PROCR: variants seen among roughly 807,000 people sequenced by gnomAD.
PROCR encodes endothelial protein C receptor.
In PROCR, 22 loss-of-function variants were observed where a neutral mutation model predicts 24.2. The ratio of observed to expected loss-of-function variants is 0.91; its 90% CI spans 0.65 to 1.30. The LOEUF is 1.30. Among genes scored for constraint, PROCR ranks in the 50% most tolerant of loss-of-function variants. The pLI is 0.00. For missense variants in PROCR, 288 were observed against 307.7 expected (o/e 0.94, Z 0.48); for synonymous variants, 137 against 139.2 (o/e 0.98, Z 0.11).
chr20:35,178,723 G>A (rs2086050524), downstream of PROCR, among the ~76,000 whole-genome samples: 1 of 141,084 alleles, frequency 7.1e-6, no homozygotes, highest in African/African-American at 2.6e-5. Context: ...CACCATTTTA[G>A]CCGGGATGGT....
At chr20:35,178,507 G>GTTTTGTTT (rs1272557859), downstream of PROCR, among the ~76,000 whole-genome samples, 2,402 of 34,336 alleles carry the variant, frequency 0.07, 778 homozygotes, top group African/African-American at 0.15. Context: ...TCAAGTCTCA[G>GTTTTGTTT]TTTTTTTTTT....
downstream of PROCR, among the ~76,000 whole-genome samples, chr20:35,178,507 G>GTTTTTTTTTTTTTTTTT (rs1203789471): frequency 1.2e-4 from 4 of 34,370 alleles, 1 homozygote; most frequent in African/African-American, 5.5e-4. Flanking sequence ...TCAAGTCTCA[G>GTTTTTTTTTTTTTTTTT]TTTTTTTTTT....
rs1284592742 is a variant in PROCR at position 35,175,577 on chromosome 20, C to CTTTTTT, written c.323-591_323-590insTTTTTT. The stretch of plus-strand genomic sequence containing the variant: ...CTCTCCTAGTCCCCCACCCCACCCC[C>CTTTTTT]CTTTTTTTTTTTTTTTTTTTTTTTT... On this transcript the variant is annotated intron_variant, in intron 2 of 3. Coordinates refer to ENST00000216968, the MANE Select transcript of PROCR (RefSeq NM_006404.5). 1.6e-3 allele frequency among the ~76,000 whole-genome samples: 81 copies of CTTTTTT among 51,256 alleles called. 2 individuals are homozygous for CTTTTTT. Among genetic ancestry groups the CTTTTTT allele is most frequent in the African/African-American group, 4.5e-3 (35 of 7,766 alleles). 33.6% of individuals were successfully genotyped at this position (51,256 alleles called of 152,430 possible).
At chr20:35,198,595 G>A (rs186389425) in intron 1 of PROCR, among the ~76,000 whole-genome samples, 3 of 152,300 alleles carry the variant, frequency 2.0e-5, no homozygotes, top group Admixed American at 6.5e-5. Flanking sequence ...GTGCTGATGC[G>A]GAAGCTGCAT....
intron 1 of PROCR, among the ~76,000 whole-genome samples, chr20:35,209,915 C>T (rs1314314778): frequency 2.0e-5 from 3 of 152,148 alleles, no homozygotes; most frequent in Non-Finnish European, 4.4e-5. Context: ...TGCTCACATA[C>T]CACTTAAAAT....
At chr20:35,197,729 G>A (rs550356549) in intron 1 of PROCR, among the ~76,000 whole-genome samples, 2 of 151,774 alleles carry the variant, frequency 1.3e-5, no homozygotes, top group South Asian at 4.2e-4. Flanking sequence ...GGCTGAGGCA[G>A]GAGAATTGCT....
intron 1 of PROCR, among the ~76,000 whole-genome samples, chr20:35,184,001 G>A (rs1050369661): frequency 2.6e-5 from 4 of 152,158 alleles, no homozygotes; most frequent in African/African-American, 7.2e-5. Context: ...ACAAATTCAC[G>A]CAGTCCCCAT....
Position 35,176,840 on chromosome 20 carries a change from C to A in PROCR, c.*27C>A, listed in dbSNP as rs751865833. The A allele has an allele frequency of 6.2e-7, 1 of 1,609,942 alleles. No homozygotes were observed. The highest frequency in any genetic ancestry group is 8.5e-7 in the Non-Finnish European group (1 of 1,178,072). Reference sequence around the variant, plus strand: ...TACTCTCCAGCCCCCTCAGAAGGGGCTGGATTGATGGAGGCTGGCAAGGGA... The same window carrying A: ...TACTCTCCAGCCCCCTCAGAAGGGGATGGATTGATGGAGGCTGGCAAGGGA... On this transcript the variant is annotated 3_prime_UTR_variant, in exon 4 of 4. Transcript: ENST00000216968.
intron 1 of PROCR, among the ~76,000 whole-genome samples, chr20:35,208,299 C>A (rs1277245052): frequency 6.6e-6 from 1 of 152,220 alleles, no homozygotes; most frequent in Admixed American, 6.5e-5. Context: ...CTCTCTACTG[C>A]AATCTGTTCC....
chr20:35,196,876 A>G (rs1012989964), intron 1 of PROCR, among the ~76,000 whole-genome samples: 27 of 152,240 alleles, frequency 1.8e-4, no homozygotes, highest in African/African-American at 6.5e-4. Flanking sequence ...AAATTATAAC[A>G]CAGTCTAGGA....
At chr20:35,198,641 G>T (rs141940064) in intron 1 of PROCR, among the ~76,000 whole-genome samples, 1 of 152,138 alleles carries the variant, frequency 6.6e-6, no homozygotes, top group African/African-American at 2.4e-5. Flanking sequence ...GATCACTGAT[G>T]AAGGTGGCTA....
rs1279475943 is a variant in PROCR, at chr20:35,177,239, G to T, written c.*426G>T. On this transcript the variant is annotated 3_prime_UTR_variant, in exon 4 of 4. Coordinates refer to ENST00000216968, the MANE Select transcript of PROCR (RefSeq NM_006404.5). ...AGGTGTGTCAGACTTGGGATGGGACGCTGATATAATAGGGTAGAAAGAAGT... is the reference window on the plus strand; with the variant it reads ...AGGTGTGTCAGACTTGGGATGGGACTCTGATATAATAGGGTAGAAAGAAGT... 2 of 1,056,952 alleles carry T rather than the reference G, an allele frequency of 1.9e-6. No homozygotes were observed. Among genetic ancestry groups the T allele is most frequent in the Non-Finnish European group, 2.3e-6 (2 of 872,964 alleles). The allele number at this position is 1,056,952 out of a possible 1,614,324, so 65.5% of individuals were successfully genotyped here. A position where few individuals can be genotyped will look rare whatever the true frequency, so the allele number is the denominator to read the frequency against.
At chr20:35,199,526 G>A (rs549659073) in intron 1 of PROCR, among the ~76,000 whole-genome samples, 6 of 152,082 alleles carry the variant, frequency 3.9e-5, no homozygotes, top group South Asian at 2.1e-4. Context: ...CGAGGTGGGC[G>A]GATCACAGGG....
chr20:35,206,803 C>T (rs1408886951), intron 1 of PROCR, among the ~76,000 whole-genome samples: 1 of 152,172 alleles, frequency 6.6e-6, no homozygotes, highest in African/African-American at 2.4e-5. Context: ...AAGTTAAACA[C>T]ACACTTACCA....
At chr20:35,192,704 T>G (rs1374822175) in intron 1 of PROCR, among the ~76,000 whole-genome samples, 1 of 152,088 alleles carries the variant, frequency 6.6e-6, no homozygotes, top group Non-Finnish European at 1.5e-5. Context: ...CTGTCTTATC[T>G]ATGTTTTACT....
chr20:35,171,988 ACTTTATAAGC>A (rs1306499371), upstream of PROCR: 2 of 694,288 alleles, frequency 2.9e-6, no homozygotes, highest in Non-Finnish European at 5.2e-6. Context: ...TAGAAATAAC[ACTTTATAAGC>A]CTCTTCCTCC....
downstream of PROCR, among the ~76,000 whole-genome samples, chr20:35,179,226 C>G (rs1342138291): frequency 9.5e-6 from 1 of 105,428 alleles, no homozygotes; most frequent in Non-Finnish European, 1.9e-5. Flanking sequence ...GAGTGAGACT[C>G]CATCTCAAAA....
chr20:35,185,030 C>CAAAAAAAAAAAAAAAAAAAAAAAAAAA, intron 1 of PROCR, among the ~76,000 whole-genome samples: 2 of 104,106 alleles, frequency 1.9e-5, no homozygotes, highest in Non-Finnish European at 3.9e-5. Flanking sequence ...ATCAGTAAGA[C>CAAAAAAAAAAAAAAAAAAAAAAAAAAA]AAAAAAAAAA....
intron 1 of PROCR, among the ~76,000 whole-genome samples, chr20:35,184,537 A>G (rs1250005855): frequency 6.6e-6 from 1 of 151,910 alleles, no homozygotes; most frequent in Admixed American, 6.6e-5. Flanking sequence ...CATCTCTACT[A>G]AAAATACAAA....
Sources: gnomAD v4.1 joint callset for allele counts (sites outside exome capture counted in the v4.1 genomes callset) on GRCh38, gnomAD v4.1.1 for gene constraint, MANE v1.5 for transcripts, NCBI Gene and HGNC (gene_info 2026-07-23, HGNC 2026-07-21) for gene names.